The following ADCY3 variants were observed in gnomAD, a reference collection of about 807,000 sequenced individuals.
ADCY3 encodes the protein adenylate cyclase 3, also known as adenylate cyclase type 3.
A neutral mutation model predicts 119.4 loss-of-function variants in ADCY3; 70 were observed. The ratio of observed to expected loss-of-function variants is 0.59; its 90% CI spans 0.48 to 0.72. The LOEUF (loss-of-function observed/expected upper bound fraction) is 0.72, where lower values mean the gene tolerates loss of function less well. Among genes scored for constraint, ADCY3 ranks in the 30% least tolerant of loss-of-function variants. The probability of loss-of-function intolerance (pLI) is 0.00; values close to 1 mark genes in which losing one functional copy is unlikely to be tolerated. For synonymous variants in ADCY3, 672 were observed against 621.4 expected, an observed-to-expected ratio of 1.08 and a Z score of -1.21; for missense variants, 1,238 against 1,541.6, an observed-to-expected ratio of 0.80 and a Z score of 3.30.
At chr2:24,915,925 C>A (rs764093210) in intron 2 of ADCY3, among the ~76,000 whole-genome samples, 2 of 152,098 alleles carry the variant, frequency 1.3e-5, no homozygotes, top group Non-Finnish European at 2.9e-5. Context: ...AACCCAGGCA[C>A]CTTTTAAAAA....
At chr2:24,848,342 C>T (rs991592946) in intron 3 of ADCY3, among the ~76,000 whole-genome samples, 9 of 152,210 alleles carry the variant, frequency 5.9e-5, no homozygotes, top group Non-Finnish European at 2.9e-5. Context: ...TCGGCCCATC[C>T]CTTCGTTTCC....
chr2:24,855,494 C>A (rs2148686308), intron 3 of ADCY3, among the ~76,000 whole-genome samples: 1 of 152,226 alleles, frequency 6.6e-6, no homozygotes, highest in East Asian at 1.9e-4. Flanking sequence ...ACCCTGGGGG[C>A]CGAGGCCTGG....
At chr2:24,838,861 C>T in intron 7 of ADCY3, 5 of 1,603,346 alleles carry the variant, frequency 3.1e-6, no homozygotes, top group Non-Finnish European at 4.3e-6. Context: ...ATCTCAGCCT[C>T]AGTGTTGGAG....
At chr2:24,831,812 A>G in intron 11 of ADCY3, 63 bp from the exon 12 acceptor site, 3 of 535,134 alleles carry the variant, frequency 5.6e-6, no homozygotes, top group Non-Finnish European at 9.6e-6. Flanking sequence ...GTGAGGGGCT[A>G]GGAGAGGAAG....
At chr2:24,890,924 C>T (rs563737444) in intron 2 of ADCY3, among the ~76,000 whole-genome samples, 4 of 151,822 alleles carry the variant, frequency 2.6e-5, no homozygotes, top group Admixed American at 6.6e-5. Context: ...CAGGCTGGAG[C>T]GCAGTGGCAC....
At chr2:24,820,478 G>A (rs1667446788) in intron 21 of ADCY3, 3 of 1,387,476 alleles carry the variant, frequency 2.2e-6, no homozygotes, top group Non-Finnish European at 2.8e-6. Flanking sequence ...GGTATTAGAA[G>A]GTTCATACCC....
rs1297707941 is a variant in ADCY3, at chr2:24,827,045, T to TG, written c.2495+500dup. Among the ~76,000 whole-genome samples, 14 of 152,366 alleles carry TG rather than the reference T, an allele frequency of 9.2e-5. No homozygotes were observed. In the East Asian group the frequency reaches 2.7e-3, roughly 29 times the overall value. Reference sequence around the variant, plus strand: ...AGAGTTCTTCTTTTGCTAAGGGCTATGCAGGTTTTACCCCTCTTCTATTAG... The same window carrying TG: ...AGAGTTCTTCTTTTGCTAAGGGCTATGGCAGGTTTTACCCCTCTTCTATTAG... On this transcript the variant is annotated intron_variant, in intron 15 of 21. Coordinates refer to ENST00000679454, the MANE Select transcript of ADCY3 (RefSeq NM_004036.5).
chr2:24,824,209 C>A lies in ADCY3; in HGVS notation c.2736+169G>T, dbSNP rs534967576. On this transcript the variant is annotated intron_variant, in intron 17 of 21. Transcript: ENST00000679454. ...CTACAGCAGTGCACTTTATAAGAGGCCGGAGAAATTCCTCTTTTGCTTATT... is the reference window on the plus strand; with the variant it reads ...CTACAGCAGTGCACTTTATAAGAGGACGGAGAAATTCCTCTTTTGCTTATT... Among the ~76,000 whole-genome samples the A allele has an allele frequency of 1.4e-3, 219 of 152,372 alleles. 1 individual carries two copies. The highest frequency in any genetic ancestry group is 5.1e-3 in the African/African-American group (211 of 41,582).
chr2:24,911,214 G>A (rs866318639), intron 2 of ADCY3, among the ~76,000 whole-genome samples: 68 of 139,108 alleles, frequency 4.9e-4, no homozygotes, highest in African/African-American at 1.8e-3. Flanking sequence ...AGATATAAGG[G>A]TTCTTTTTTT....
chr2:24,861,033 T>C (rs543207528), intron 3 of ADCY3, among the ~76,000 whole-genome samples: 77 of 152,256 alleles, frequency 5.1e-4, no homozygotes, highest in African/African-American at 1.8e-3. Flanking sequence ...GGCAGATCAC[T>C]TGAGATCAGG....
chr2:24,836,855 G>A lies in ADCY3; in HGVS notation c.1662+62C>T, dbSNP rs1041984354. Reference sequence around the variant, plus strand: ...AGGACTCCTGCTGCAGGAACGTATTGCTTCCTGGTGCCTGCCCGCATCTGG... The same window carrying A: ...AGGACTCCTGCTGCAGGAACGTATTACTTCCTGGTGCCTGCCCGCATCTGG... On this transcript the variant is annotated intron_variant, in intron 9 of 21. Coordinates refer to ENST00000679454, the MANE Select transcript of ADCY3 (RefSeq NM_004036.5). The A allele has an allele frequency of 1.1e-4, 163 of 1,547,988 alleles. 1 individual carries two copies. The highest frequency in any genetic ancestry group is 2.6e-4 in the South Asian group (21 of 80,234).
chr2:24,878,611 G>GA lies in ADCY3; in HGVS notation c.676-5893dup, dbSNP rs1349922055. 2.0e-4 allele frequency among the ~76,000 whole-genome samples: 30 copies of GA among 152,188 alleles called. No individual in the cohort carries two copies. The highest frequency in any genetic ancestry group is 5.9e-4 in the Admixed American group (9 of 15,292). ...ATTAAAACTTACTCAGATGCTTTAG[G>GA]AAAAAGTCTCCTAGCAGCCATGGGG... On this transcript the variant is annotated intron_variant, in intron 2 of 21. Coordinates refer to ENST00000679454, the MANE Select transcript of ADCY3 (RefSeq NM_004036.5). This position sits in a 1 kb window ranked among gnomAD's most constrained non-coding sequence, Gnocchi z 4.0.
intron 2 of ADCY3, among the ~76,000 whole-genome samples, chr2:24,897,018 G>T (rs912074056): frequency 3.3e-5 from 5 of 152,136 alleles, no homozygotes; most frequent in Non-Finnish European, 4.4e-5. Context: ...GTTGTTTACA[G>T]TGGGAGAATA....
intron 3 of ADCY3, among the ~76,000 whole-genome samples, chr2:24,857,991 A>ATTTTTTTT (rs56672595): frequency 2.5e-4 from 31 of 122,390 alleles, no homozygotes; most frequent in African/African-American, 9.5e-4. Flanking sequence ...TGTGGTCTGA[A>ATTTTTTTT]TTTTTTTTTT....
At chr2:24,883,232 C>G (rs1676618757) in intron 2 of ADCY3, among the ~76,000 whole-genome samples, 1 of 150,988 alleles carries the variant, frequency 6.6e-6, no homozygotes, top group Non-Finnish European at 1.5e-5. Context: ...CCTGTAGTCC[C>G]AGCTACTTGG....
chr2:24,917,147 G>A (rs761859727), intron 2 of ADCY3, among the ~76,000 whole-genome samples: 2 of 152,208 alleles, frequency 1.3e-5, no homozygotes, highest in African/African-American at 2.4e-5. Flanking sequence ...CCCTGGGCCT[G>A]CACATAGCAC....
In ADCY3 at chr2:24,874,232, T is replaced by A. The variant is rs373131200; in HGVS notation, c.676-1513A>T. ...AATCAGGAGGTCAGGCGAGTCTCAG[T>A]GCTGGTCAGCAAGTCACCGGGTGTA... On this transcript the variant is annotated intron_variant, in intron 2 of 21. Transcript: ENST00000679454. Among the ~76,000 whole-genome samples, 161 of 152,300 alleles carry A rather than the reference T, an allele frequency of 1.1e-3. 3 individuals carry two copies. In the South Asian group the frequency reaches 0.024, roughly 22 times the overall value.
chr2:24,842,567 G>T lies in ADCY3; in HGVS notation c.826-183C>A. 1 of 730,704 alleles carries T rather than the reference G, an allele frequency of 1.4e-6. No individual in the cohort carries two copies. The highest frequency in any genetic ancestry group is 2.2e-6 in the Non-Finnish European group (1 of 459,490). 45.3% of individuals were successfully genotyped at this position (730,704 alleles called of 1,614,324 possible). The stretch of plus-strand genomic sequence containing the variant: ...AGGGGTCTGGGACAGGCAGCTTCTG[G>T]CCCTGACAAGGCTGAGGGTGGCAAT... On this transcript the variant is annotated intron_variant, in intron 3 of 21. Coordinates refer to ENST00000679454, the MANE Select transcript of ADCY3 (RefSeq NM_004036.5). This position sits in a 1 kb window ranked among gnomAD's most constrained non-coding sequence, Gnocchi z 4.9.
chr2:24,820,837 C>CT lies in ADCY3; in HGVS notation c.3138dup (p.Gly1047ArgfsTer78). 1 of 1,614,052 alleles carries CT rather than the reference C, an allele frequency of 6.2e-7. No individual in the cohort carries two copies. The highest frequency in any genetic ancestry group is 2.2e-5 in the East Asian group (1 of 44,878). On this transcript the variant is annotated frameshift_variant, in exon 21 of 22. Transcript: ENST00000679454. LOFTEE classifies it high-confidence loss of function. ...CCGATGACCCCAGCCAGAACCCCGCCTTTGTTCATGCCTAGGGTAGAGGCA... is the reference window on the plus strand; with the variant it reads ...CCGATGACCCCAGCCAGAACCCCGCCTTTTGTTCATGCCTAGGGTAGAGGCA...
Sources: allele counts gnomAD v4.1 joint callset (sites outside exome capture counted in the v4.1 genomes callset), GRCh38; gene constraint gnomAD v4.1.1; non-coding constraint Gnocchi (gnomAD v3.1); transcripts MANE v1.5; gene names NCBI Gene and HGNC (gene_info 2026-07-23, HGNC 2026-07-21).